The following TMCO5A variants were observed in gnomAD, a reference collection of about 807,000 sequenced individuals.
TMCO5A encodes the protein transmembrane and coiled-coil domain-containing protein 5A.
Under a neutral mutation model 42.3 loss-of-function variants are expected in TMCO5A, and 34 were observed. The ratio of observed to expected loss-of-function variants is 0.80; its 90% CI spans 0.61 to 1.07. TMCO5A has a LOEUF of 1.07. TMCO5A is among the 50% of genes least tolerant of loss of function. The pLI, the probability that TMCO5A is intolerant of heterozygous loss-of-function variation, is 0.00. For missense variants in TMCO5A, 357 were observed against 327.9 expected (o/e 1.09, Z -0.69); for synonymous variants, 131 against 115.6 (o/e 1.13, Z -0.86).
intron 6 of TMCO5A, among the ~76,000 whole-genome samples, chr15:37,940,770 G>T (rs1267671746): frequency 6.6e-6 from 1 of 152,080 alleles, no homozygotes; most frequent in Non-Finnish European, 1.5e-5. Flanking sequence ...AAAAGGGTGA[G>T]CAAGGCATAC....
Position 37,936,859 on chromosome 15 carries a change from G to A in TMCO5A, c.153G>A (p.Glu51=), listed in dbSNP as rs761620512. The change falls in exon 4 of 12, where the codon GAG becomes GAA. Residue 51 remains glutamate, a synonymous_variant. Transcript: ENST00000319669. ...TTGTGTTGTCCAGGCTGGAAAGTGA[G>A]ATCATTCAGACGCGGGGCCTGGTGG... ...REDKIQRLES[E]IIQTRGLVED... is the part of the protein sequence containing the mutation. 32 of 1,611,806 alleles carry A rather than the reference G, an allele frequency of 2.0e-5. No individual in the cohort carries two copies. In the African/African-American group the frequency reaches 4.1e-4, roughly 21 times the overall value.
At position 37,941,654 on chromosome 15, in the gene TMCO5A, A is replaced by G; in HGVS notation, c.445-17A>G. On this transcript the variant is annotated splice_polypyrimidine_tract_variant and intron_variant, in intron 7 of 11. Transcript: ENST00000319669. The stretch of plus-strand genomic sequence containing the variant: ...AATTTACCGAAATATATTTACAACT[A>G]AATTTTGATTTCCTAGGTAATGAAG... The G allele has an allele frequency of 4.4e-6, 7 of 1,584,342 alleles. No homozygotes were observed. Among genetic ancestry groups the G allele is most frequent in the Non-Finnish European group, 6.1e-6 (7 of 1,153,616 alleles).
At chr15:38,039,774 G>GTT in the TMCO5A span, among the ~76,000 whole-genome samples, 97,898 of 151,954 alleles carry the variant, frequency 0.64, 33,691 homozygotes, top group Non-Finnish European at 0.78. Context: ...TGTTCTTAAT[G>GTT]TTGCATAACA....
At chr15:38,037,257 G>A in the TMCO5A span, among the ~76,000 whole-genome samples, 1 of 152,162 alleles carries the variant, frequency 6.6e-6, no homozygotes, top group Non-Finnish European at 1.5e-5. Context: ...ACAGCAAAAT[G>A]CTTAGAATCA....
chr15:38,011,372 C>T, the TMCO5A span, among the ~76,000 whole-genome samples: 1 of 152,296 alleles, frequency 6.6e-6, no homozygotes, highest in South Asian at 2.1e-4. Flanking sequence ...CAGCTGACTT[C>T]ATCAGAATGA....
At chr15:37,955,764 G>C (rs142422896), downstream of TMCO5A, among the ~76,000 whole-genome samples, 2,437 of 151,988 alleles carry the variant, frequency 0.016, 74 homozygotes, top group African/African-American at 0.055. Context: ...ATCTACAGAA[G>C]TCTCCACCCC....
At chr15:38,039,472 C>T in the TMCO5A span, among the ~76,000 whole-genome samples, 1 of 152,182 alleles carries the variant, frequency 6.6e-6, no homozygotes, top group African/African-American at 2.4e-5. Context: ...TATCGTTCCT[C>T]TTGTGTTCTG....
At chr15:38,022,415 A>C in the TMCO5A span, among the ~76,000 whole-genome samples, 2 of 152,220 alleles carry the variant, frequency 1.3e-5, no homozygotes, top group Non-Finnish European at 2.9e-5. Flanking sequence ...ATATGATATT[A>C]TTCCAACTAC....
At chr15:37,941,388 AT>A (rs938015659) in intron 7 of TMCO5A, among the ~76,000 whole-genome samples, 183 bp downstream of exon 7, 2 of 151,964 alleles carry the variant, frequency 1.3e-5, no homozygotes, top group Non-Finnish European at 2.9e-5. Flanking sequence ...CTCTTCAAAC[AT>A]TTTTTTACAG....
At chr15:37,971,293 G>T (rs1890669052), downstream of TMCO5A, among the ~76,000 whole-genome samples, 2 of 152,170 alleles carry the variant, frequency 1.3e-5, no homozygotes, top group Non-Finnish European at 2.9e-5. Context: ...GCAACAGACT[G>T]AGCTGCACCT....
intron 5 of TMCO5A, 77 bp downstream of exon 5, chr15:37,937,473 G>A: frequency 1.3e-6 from 2 of 1,492,422 alleles, no homozygotes; most frequent in South Asian, 2.3e-5. Context: ...TGGGGGAAGT[G>A]ATCATAGAGG....
intron 11 of TMCO5A, among the ~76,000 whole-genome samples, chr15:37,957,006 C>G (rs186200296): frequency 1.3e-5 from 2 of 152,170 alleles, no homozygotes; most frequent in East Asian, 3.9e-4. Context: ...ATTATCTCAA[C>G]AGATGCAGAA....
At chr15:37,943,516 C>G (rs1259796481) in intron 10 of TMCO5A, 118 bp downstream of exon 10, 8 of 910,824 alleles carry the variant, frequency 8.8e-6, no homozygotes, top group Non-Finnish European at 1.4e-5. Context: ...TTTCCAAGAA[C>G]AGTACCAGCT....
At chr15:38,001,524 G>A in the TMCO5A span, among the ~76,000 whole-genome samples, 1 of 150,176 alleles carries the variant, frequency 6.7e-6, no homozygotes, top group Admixed American at 6.7e-5. Context: ...TTATTGATAA[G>A]TAAAGACTTA....
chr15:38,007,764 T>A, the TMCO5A span, among the ~76,000 whole-genome samples: 2 of 151,920 alleles, frequency 1.3e-5, no homozygotes, highest in Non-Finnish European at 2.9e-5. Context: ...GAAACTATGA[T>A]GTGGCTTTGG....
chr15:37,982,585 A>C, the TMCO5A span, among the ~76,000 whole-genome samples: 2 of 75,898 alleles, frequency 2.6e-5, no homozygotes, highest in African/African-American at 1.2e-4. Context: ...TTAATATATT[A>C]TATATACTAT....
chr15:37,953,997 T>C (rs1319297601), downstream of TMCO5A, among the ~76,000 whole-genome samples: 1 of 151,626 alleles, frequency 6.6e-6, no homozygotes, highest in East Asian at 2.0e-4. Context: ...GACAGGCTAA[T>C]TGAAAATACA....
At chr15:38,002,984 G>GC in the TMCO5A span, among the ~76,000 whole-genome samples, 69 of 152,262 alleles carry the variant, frequency 4.5e-4, no homozygotes, top group African/African-American at 1.7e-3. Context: ...GCTTGTTTGT[G>GC]CCCATCCTTC....
intron 10 of TMCO5A, among the ~76,000 whole-genome samples, chr15:37,946,718 G>A (rs745471700): frequency 6.6e-6 from 1 of 152,124 alleles, no homozygotes; most frequent in Non-Finnish European, 1.5e-5. Context: ...TTTGTAGCCT[G>A]AGACTTTGCT....
Sources: allele counts gnomAD v4.1 joint callset (sites outside exome capture counted in the v4.1 genomes callset), GRCh38; gene constraint gnomAD v4.1.1; transcripts MANE v1.5; gene names NCBI Gene and HGNC (gene_info 2026-07-23, HGNC 2026-07-21).